The following CHN2 variants were observed in gnomAD, a reference collection of about 807,000 sequenced individuals.
The protein encoded by CHN2 is beta-chimaerin.
CHN2 carries 35 observed loss-of-function variants against 56.3 expected under a neutral mutation model. The observed-to-expected ratio is 0.62, with a 90% CI of 0.47 to 0.82. The LOEUF is 0.82. Ranked by LOEUF, CHN2 falls within the 40% of genes least tolerant of loss-of-function variation. The pLI, the probability that CHN2 is intolerant of heterozygous loss-of-function variation, is 0.00. For synonymous variants in CHN2, 210 were observed against 212.8 expected (o/e 0.99, Z 0.12); for missense variants, 491 against 580.5 (o/e 0.85, Z 1.58).
At chr7:29,426,038 G>T (rs558416130) in intron 6 of CHN2, among the ~76,000 whole-genome samples, 1 of 151,722 alleles carries the variant, frequency 6.6e-6, no homozygotes, top group East Asian at 1.9e-4. Flanking sequence ...GTGAAACCTG[G>T]TCTCTACTAA....
chr7:29,293,927 C>T (rs1260792624), intron 1 of CHN2, among the ~76,000 whole-genome samples: 3 of 135,586 alleles, frequency 2.2e-5, no homozygotes, highest in Non-Finnish European at 4.5e-5. Flanking sequence ...ACTGCAGCGG[C>T]GCGATCTCGG....
chr7:29,361,994 G>A (rs955805444), intron 2 of CHN2, among the ~76,000 whole-genome samples: 14 of 152,182 alleles, frequency 9.2e-5, no homozygotes, highest in Admixed American at 7.9e-4. Flanking sequence ...TTTCAGCAAG[G>A]CAAAGGACAG....
chr7:29,327,583 C>G (rs1375649669), intron 1 of CHN2, among the ~76,000 whole-genome samples: 1 of 152,162 alleles, frequency 6.6e-6, no homozygotes, highest in Non-Finnish European at 1.5e-5. Context: ...TTTTTACCTT[C>G]TGTTTAGTCT....
At chr7:29,322,920 C>T (rs190419173) in intron 1 of CHN2, among the ~76,000 whole-genome samples, 13 of 152,122 alleles carry the variant, frequency 8.5e-5, no homozygotes, top group Admixed American at 2.6e-4. Context: ...CCCAGCACTT[C>T]GGGAGGCCAA....
chr7:29,504,682 C>T (rs1266123296), intron 9 of CHN2, 62 bp from the exon 10 acceptor site: 6 of 880,768 alleles, frequency 6.8e-6, no homozygotes, highest in South Asian at 3.3e-5. Context: ...TGAAATTAGT[C>T]TTTTTTTTTT....
At chr7:29,464,508 A>G (rs1785410179) in intron 6 of CHN2, among the ~76,000 whole-genome samples, 1 of 152,212 alleles carries the variant, frequency 6.6e-6, no homozygotes, top group Non-Finnish European at 1.5e-5. Flanking sequence ...CTATGTCACA[A>G]ACCTGCACAT....
chr7:29,434,057 T>C (rs1193341547), intron 6 of CHN2, among the ~76,000 whole-genome samples: 1 of 152,180 alleles, frequency 6.6e-6, no homozygotes, highest in Non-Finnish European at 1.5e-5. Flanking sequence ...CTTTTCTTCC[T>C]CTCCTAATTT....
chr7:29,506,991 T>G (rs994091157), intron 10 of CHN2, among the ~76,000 whole-genome samples: 1 of 152,166 alleles, frequency 6.6e-6, no homozygotes, highest in Non-Finnish European at 1.5e-5. Context: ...GGGACCCAAA[T>G]CACTGTTTGA....
chr7:29,383,763 G>A (rs1216822120), intron 3 of CHN2, among the ~76,000 whole-genome samples: 1 of 152,170 alleles, frequency 6.6e-6, no homozygotes, highest in Non-Finnish European at 1.5e-5. Flanking sequence ...ACTGAGTTGT[G>A]TATGTTTGAC....
At chr7:29,313,976 G>A (rs548183891) in intron 1 of CHN2, among the ~76,000 whole-genome samples, 248 of 152,174 alleles carry the variant, frequency 1.6e-3, no homozygotes, top group African/African-American at 5.0e-3. Context: ...TAAATCTCCC[G>A]TCCTTAGTGC....
chr7:29,425,230 A>T (rs555936593), intron 6 of CHN2, among the ~76,000 whole-genome samples: 1 of 152,236 alleles, frequency 6.6e-6, no homozygotes, highest in South Asian at 2.1e-4. Flanking sequence ...AAAGGAGATG[A>T]TGTAGATTTC....
intron 6 of CHN2, among the ~76,000 whole-genome samples, chr7:29,440,372 G>T (rs1199297684): frequency 6.6e-6 from 1 of 152,018 alleles, no homozygotes; most frequent in Non-Finnish European, 1.5e-5. Context: ...ATGCACAATG[G>T]TTATCATCAC....
intron 3 of CHN2, among the ~76,000 whole-genome samples, chr7:29,377,667 C>T (rs189824466): frequency 6.6e-6 from 1 of 152,212 alleles, no homozygotes; most frequent in Non-Finnish European, 1.5e-5. Context: ...CAAGGCCCAC[C>T]TCCTTGCCTC....
chr7:29,162,967 A>T (rs1795391591), intron 2 of CHN2, among the ~76,000 whole-genome samples: 1 of 152,238 alleles, frequency 6.6e-6, no homozygotes. Context: ...ACATTTGAAT[A>T]CATATAAATA....
At chr7:29,440,961 C>T (rs749445875) in intron 6 of CHN2, among the ~76,000 whole-genome samples, 11 of 151,846 alleles carry the variant, frequency 7.2e-5, no homozygotes, top group Non-Finnish European at 1.6e-4. Context: ...TTATGAGGTA[C>T]AAAGTGATGT....
chr7:29,250,543 C>T (rs746861682), intron 1 of CHN2, among the ~76,000 whole-genome samples: 8 of 152,134 alleles, frequency 5.3e-5, no homozygotes, highest in Non-Finnish European at 1.0e-4. Flanking sequence ...TATAACATGA[C>T]TCCTTAAATA....
At position 29,507,268 on chromosome 7, in the gene CHN2, C is replaced by T. The variant is rs1040861878; in HGVS notation, c.1032C>T (p.Asp344=). The change falls in exon 11 of 13, where the codon GAC becomes GAT. Residue 344 remains aspartate, a synonymous_variant. Coordinates refer to ENST00000222792, the MANE Select transcript of CHN2 (RefSeq NM_004067.4). ...ATATATCTGCCAATGTCTATCCAGA[C>T]ATAAACATCATCACTGGAGCCCTTA... ...KADISANVYP[D]INIITGALKL... is the part of the protein sequence containing the mutation. 3.1e-6 allele frequency: 5 copies of T among 1,612,992 alleles called. No individual in the cohort carries two copies. The highest frequency in any genetic ancestry group is 1.7e-5 in the Admixed American group (1 of 59,846).
chr7:29,334,691 G>A (rs1796481597), intron 1 of CHN2: 1 of 152,364 alleles, frequency 6.6e-6, no homozygotes, highest in Non-Finnish European at 1.5e-5. Flanking sequence ...AGGAGTTTAA[G>A]GCTGCAGTGA....
intron 6 of CHN2, among the ~76,000 whole-genome samples, chr7:29,403,267 A>C (rs1193604801): frequency 7.1e-6 from 1 of 141,008 alleles, no homozygotes; most frequent in Non-Finnish European, 1.5e-5. Context: ...ATTGCGATGG[A>C]GTCAGTGACT....
Sources: gnomAD v4.1 joint callset for allele counts (sites outside exome capture counted in the v4.1 genomes callset) on GRCh38, gnomAD v4.1.1 for gene constraint, MANE v1.5 for transcripts, NCBI Gene and HGNC (gene_info 2026-07-23, HGNC 2026-07-21) for gene names.